Variants in EFCAB7 observed in about 807,000 individuals in gnomAD.
The protein encoded by EFCAB7 is EF-hand calcium-binding domain-containing protein 7.
A neutral mutation model predicts 77.1 loss-of-function variants in EFCAB7; 66 were observed. The ratio of observed to expected loss-of-function variants is 0.86; its 90% CI spans 0.70 to 1.05. The LOEUF is 1.05. Ranked by LOEUF, EFCAB7 falls within the 50% of genes least tolerant of loss-of-function variation. The probability of loss-of-function intolerance (pLI) is 0.00; values close to 1 mark genes in which losing one functional copy is unlikely to be tolerated. For missense variants in EFCAB7, 638 were observed against 730.5 expected, an observed-to-expected ratio of 0.87 and a Z score of 1.46; for synonymous variants, 225 against 243.3, an observed-to-expected ratio of 0.92 and a Z score of 0.70.
At chr1:63,581,364 T>C in the EFCAB7 span, among the ~76,000 whole-genome samples, 1 of 133,694 alleles carries the variant, frequency 7.5e-6, no homozygotes, top group African/African-American at 2.9e-5. Context: ...AGCCTGAGCA[T>C]TCAAGAATCC....
rs190587230 is a variant in EFCAB7 at position 63,554,792 on chromosome 1, A to T, written c.1057-566A>T. On this transcript the variant is annotated intron_variant, in intron 8 of 13. Transcript: ENST00000371088. ...CTTATTTTATAGTCCATATTACATT[A>T]AAAAAAGTGAAGTTCCAGTGCTTTC... is the stretch of plus-strand genomic sequence containing the variant. 4.6e-5 allele frequency among the ~76,000 whole-genome samples: 7 copies of T among 152,328 alleles called. No homozygotes were observed. In the East Asian group the frequency reaches 9.6e-4, roughly 21 times the overall value.
At chr1:63,557,065 C>A in intron 9 of EFCAB7, 49 bp from the exon 10 acceptor site, 1 of 1,410,910 alleles carries the variant, frequency 7.1e-7, no homozygotes, top group Non-Finnish European at 9.4e-7. Context: ...CCTTCTTCAG[C>A]GTAGTTGCCT....
intron 6 of EFCAB7, among the ~76,000 whole-genome samples, chr1:63,542,307 A>G (rs759715627): frequency 1.2e-4 from 19 of 152,236 alleles, no homozygotes; most frequent in Non-Finnish European, 2.4e-4. Flanking sequence ...AGACTGAATA[A>G]TATTCCCTTG....
chr1:63,567,230 ATCAC>A (rs1259797937), intron 11 of EFCAB7, among the ~76,000 whole-genome samples: 4 of 152,216 alleles, frequency 2.6e-5, no homozygotes, highest in African/African-American at 9.6e-5. Context: ...AGGCAGGTAG[ATCAC>A]CTGAGTTCAG....
rs1647040392 is a variant in EFCAB7 at position 63,557,094 on chromosome 1, A to G, written c.1215-20A>G. The G allele has an allele frequency of 6.5e-7, 1 of 1,536,502 alleles. No individual in the cohort carries two copies. Among genetic ancestry groups the G allele is most frequent in the Non-Finnish European group, 8.7e-7 (1 of 1,144,974 alleles). ...GTTGCCTTAGTGACAAGAAATAACT[A>G]GCTATTTTTATAATTTTAGGTCTAC... On this transcript the variant is annotated intron_variant, in intron 9 of 13. Transcript: ENST00000371088.
chr1:63,526,537 G>C (rs761165723), intron 2 of EFCAB7, among the ~76,000 whole-genome samples: 2 of 152,154 alleles, frequency 1.3e-5, no homozygotes. Context: ...AGATCTATTT[G>C]AGGAAATGTA....
intron 3 of EFCAB7, 133 bp from the exon 4 acceptor site, chr1:63,532,537 T>G: frequency 1.6e-6 from 1 of 618,978 alleles, no homozygotes; most frequent in East Asian, 2.9e-5. Flanking sequence ...TTATATATAA[T>G]ACTCATGATT....
intron 6 of EFCAB7, among the ~76,000 whole-genome samples, chr1:63,544,097 G>A (rs560719118): frequency 6.0e-5 from 9 of 150,272 alleles, no homozygotes; most frequent in African/African-American, 2.2e-4. Flanking sequence ...AGCCTTCGGA[G>A]TAGCTGGGAT....
At chr1:63,546,868 G>A (rs958911201) in intron 7 of EFCAB7, among the ~76,000 whole-genome samples, 1 of 152,014 alleles carries the variant, frequency 6.6e-6, no homozygotes, top group East Asian at 1.9e-4. Flanking sequence ...TAATATTCTA[G>A]ATAAAAATAC....
chr1:63,529,226 G>A (rs1646650940), intron 2 of EFCAB7: 2 of 152,240 alleles, frequency 1.3e-5, no homozygotes, highest in Non-Finnish European at 2.9e-5. Context: ...CCAATGCAAT[G>A]AATTTCCACA....
At chr1:63,573,387 G>A (rs1381014434), downstream of EFCAB7, among the ~76,000 whole-genome samples, 2 of 152,170 alleles carry the variant, frequency 1.3e-5, no homozygotes, top group Middle Eastern at 3.4e-3. Flanking sequence ...AAAACTAAAC[G>A]GAATAAGAGA....
In EFCAB7 at chr1:63,572,468, T is replaced by G. The variant is rs1358598368; in HGVS notation, c.1842T>G (p.Asn614Lys). The change falls in exon 14 of 14, where the codon AAT (asparagine) becomes AAG (lysine). Residue 614 changes from asparagine (N) to lysine (K), a missense_variant. Physicochemically the swap from Asn to Lys is moderately conservative, Grantham distance 94. Coordinates refer to ENST00000371088, the MANE Select transcript of EFCAB7 (RefSeq NM_032437.4). ...TTTGTCAACATGTAATGCCTTTGAA[T>G]GAACGACAAGAATGGATATATTATT... The part of the protein sequence containing the change: ...TMVCQHVMPL[N>K]ERQEWIYYCI... 2.5e-6 allele frequency: 4 copies of G among 1,582,046 alleles called. No homozygotes were observed. In the South Asian group the frequency reaches 4.7e-5, roughly 19 times the overall value.
Position 63,557,193 on chromosome 1 carries a change from GA to G in EFCAB7, c.1296del (p.Glu432AspfsTer2). The G allele has an allele frequency of 1.2e-6, 2 of 1,610,308 alleles. No individual in the cohort carries two copies. Among genetic ancestry groups the G allele is most frequent in the Non-Finnish European group, 1.7e-6 (2 of 1,179,138 alleles). On this transcript the variant is annotated frameshift_variant, in exon 10 of 14. Coordinates refer to ENST00000371088, the MANE Select transcript of EFCAB7 (RefSeq NM_032437.4). LOFTEE classifies it high-confidence loss of function. The stretch of plus-strand genomic sequence containing the variant: ...TAGCCTTGAAGAATATAATTTTTTT[GA>G]ATTGAGAACAAGTGGTGAGAAATGT... ...LLSLEEYNFF[E>X]LRTSGEKCDE...
chr1:63,569,610 G>C (rs747817609), intron 12 of EFCAB7: 1 of 152,222 alleles, frequency 6.6e-6, no homozygotes, highest in Non-Finnish European at 1.5e-5. Context: ...GAAACAAGGC[G>C]AAGGGTATAT....
At chr1:63,537,446 A>G (rs1340476206) in intron 6 of EFCAB7, among the ~76,000 whole-genome samples, 1 of 152,222 alleles carries the variant, frequency 6.6e-6, no homozygotes, top group Non-Finnish European at 1.5e-5. Context: ...CATATATAGC[A>G]TCTACATTGT....
At chr1:63,563,701 T>G (rs1347120235) in intron 11 of EFCAB7, among the ~76,000 whole-genome samples, 1 of 152,224 alleles carries the variant, frequency 6.6e-6, no homozygotes, top group African/African-American at 2.4e-5. Flanking sequence ...GTTGAACAGA[T>G]TTAAAATCTT....
chr1:63,530,502 A>G (rs528706200), intron 2 of EFCAB7, among the ~76,000 whole-genome samples: 19 of 152,340 alleles, frequency 1.2e-4, no homozygotes, highest in African/African-American at 4.3e-4. Flanking sequence ...CTTCTATTCA[A>G]CTGTTCAAAA....
chr1:63,559,594 T>C (rs540093301), intron 10 of EFCAB7, among the ~76,000 whole-genome samples: 158 of 152,222 alleles, frequency 1.0e-3, no homozygotes, highest in Non-Finnish European at 1.7e-3. Context: ...CCTGAGTAGC[T>C]AGGACTACAG....
At chr1:63,560,797 C>T (rs1647089933) in intron 10 of EFCAB7, among the ~76,000 whole-genome samples, 3 of 152,196 alleles carry the variant, frequency 2.0e-5, no homozygotes, top group African/African-American at 7.2e-5. Flanking sequence ...GCTGGGATTA[C>T]AGGCGTGAGC....
Sources: gnomAD v4.1 joint callset for allele counts (sites outside exome capture counted in the v4.1 genomes callset) on GRCh38, gnomAD v4.1.1 for gene constraint, MANE v1.5 for transcripts, NCBI Gene and HGNC (gene_info 2026-07-23, HGNC 2026-07-21) for gene names.